The following TOPAZ1 variants were observed in gnomAD, a reference collection of about 807,000 sequenced individuals.
TOPAZ1 encodes protein TOPAZ1.
A neutral mutation model predicts 172.2 loss-of-function variants in TOPAZ1; 66 were observed. That is an observed-to-expected ratio of 0.38 (90% CI 0.31 to 0.47). The LOEUF (loss-of-function observed/expected upper bound fraction) is 0.47. TOPAZ1 is among the 20% of genes least tolerant of loss of function. TOPAZ1 has a pLI of 0.99. For missense variants in TOPAZ1, 1,822 were observed against 1,972.4 expected (o/e 0.92, Z 1.44); for synonymous variants, 681 against 683.9 (o/e 1.00, Z 0.07).
chr3:44,274,704 G>A (rs540125745), intron 8 of TOPAZ1, among the ~76,000 whole-genome samples: 74 of 151,518 alleles, frequency 4.9e-4, no homozygotes, highest in African/African-American at 1.1e-3. Flanking sequence ...ACAGGCGTGC[G>A]CCAACATGCC....
chr3:44,325,521 G>A (rs1700590188), intron 18 of TOPAZ1, among the ~76,000 whole-genome samples: 3 of 151,986 alleles, frequency 2.0e-5, no homozygotes, highest in African/African-American at 7.3e-5. Context: ...CCATTCCCTG[G>A]TTGTCTCCTC....
At chr3:44,333,014 G>C (rs1254077617), downstream of TOPAZ1, among the ~76,000 whole-genome samples, 1 of 150,658 alleles carries the variant, frequency 6.6e-6, no homozygotes, top group South Asian at 2.1e-4. Flanking sequence ...TTTTGAGATG[G>C]GGTTTTGCTA....
chr3:44,326,869 A>G (rs1306663432), intron 18 of TOPAZ1, among the ~76,000 whole-genome samples: 1 of 152,182 alleles, frequency 6.6e-6, no homozygotes, highest in Admixed American at 6.5e-5. Context: ...GAAAAAAAAA[A>G]TCGTATTAGT....
intron 5 of TOPAZ1, among the ~76,000 whole-genome samples, chr3:44,264,711 A>T (rs990086209): frequency 6.6e-6 from 1 of 152,144 alleles, no homozygotes; most frequent in Non-Finnish European, 1.5e-5. Context: ...TCAAAATCAG[A>T]CTCAATCCTC....
intron 12 of TOPAZ1, among the ~76,000 whole-genome samples, chr3:44,300,851 G>GAA (rs1385775212): frequency 7.8e-5 from 10 of 128,360 alleles, no homozygotes; most frequent in Non-Finnish European, 1.2e-4. Context: ...ACCAGAAACT[G>GAA]GAAAAAAAAA....
chr3:44,290,891 G>GA lies in TOPAZ1; in HGVS notation c.3797+10dup. 1 of 1,522,362 alleles carries GA rather than the reference G, an allele frequency of 6.6e-7. No individual in the cohort carries two copies. Among genetic ancestry groups the GA allele is most frequent in the Middle Eastern group, 1.7e-4 (1 of 5,884 alleles). The allele number at this position is 1,522,362 out of a possible 1,614,324, so 94.3% of individuals were successfully genotyped here. On this transcript the variant is annotated splice_donor_region_variant and intron_variant, in intron 12 of 19. Transcript: ENST00000309765. ...AGTTCTGGAAATGAAATCGAGGTGA[G>GA]AAAAATCATTATTATTTAAGCCAAA...
intron 8 of TOPAZ1, among the ~76,000 whole-genome samples, chr3:44,272,636 A>G (rs1379314902): frequency 6.6e-6 from 1 of 152,074 alleles, no homozygotes; most frequent in Non-Finnish European, 1.5e-5. Context: ...ATCTTGGCTC[A>G]CTGCAGCCTC....
At chr3:44,291,707 A>G (rs1304027730) in intron 12 of TOPAZ1, among the ~76,000 whole-genome samples, 1 of 152,032 alleles carries the variant, frequency 6.6e-6, no homozygotes, top group Non-Finnish European at 1.5e-5. Context: ...AAAAAAAAAA[A>G]AATCAAAGTA....
At chr3:44,316,051 G>T (rs1026474920) in intron 16 of TOPAZ1, among the ~76,000 whole-genome samples, 13 of 151,528 alleles carry the variant, frequency 8.6e-5, no homozygotes, top group African/African-American at 2.9e-4. Flanking sequence ...CCTGGGCAAC[G>T]TAGGGAGACT....
Position 44,243,202 on chromosome 3 carries a change from C to T in TOPAZ1, c.696C>T (p.Phe232=), listed in dbSNP as rs1370232515. The T allele has an allele frequency of 3.2e-6, 5 of 1,549,084 alleles. No individual in the cohort carries two copies. Among genetic ancestry groups the T allele is most frequent in the Non-Finnish European group, 4.4e-6 (5 of 1,146,172 alleles). ...SVLKLRDCNC[F]PHSKGCNDEN... is the part of the protein sequence containing the mutation. ...TAAAATTACGTGATTGCAATTGTTT[C>T]CCCCATTCCAAGGGTTGTAATGATG... The change falls in exon 2 of 20, where the codon TTC becomes TTT. Residue 232 remains phenylalanine, a synonymous_variant. Transcript: ENST00000309765.
At chr3:44,278,456 GTTC>G (rs779367720) in intron 8 of TOPAZ1, among the ~76,000 whole-genome samples, 1 of 152,080 alleles carries the variant, frequency 6.6e-6, no homozygotes, top group Non-Finnish European at 1.5e-5. Flanking sequence ...ATTGGTATTA[GTTC>G]TTCTTCGAAA....
chr3:44,305,116 T>G (rs1345220688), intron 13 of TOPAZ1, 31 bp from the exon 14 acceptor site: 3 of 1,437,172 alleles, frequency 2.1e-6, no homozygotes, highest in Non-Finnish European at 2.8e-6. Context: ...ATTCTTTTTC[T>G]TTTTTGTTTT....
At chr3:44,310,131 G>T in intron 16 of TOPAZ1, 141 bp downstream of exon 16, 1 of 700,012 alleles carries the variant, frequency 1.4e-6, no homozygotes, top group Non-Finnish European at 2.3e-6. Context: ...AGGAAAGGTT[G>T]TCATGTAAAC....
intron 5 of TOPAZ1, among the ~76,000 whole-genome samples, chr3:44,265,533 G>A (rs1207560741): frequency 2.0e-5 from 3 of 152,200 alleles, no homozygotes; most frequent in Admixed American, 6.5e-5. Flanking sequence ...TCCAGCCTGG[G>A]CGACAGAGCA....
intron 12 of TOPAZ1, among the ~76,000 whole-genome samples, chr3:44,303,027 T>C (rs934382540): frequency 5.9e-5 from 9 of 152,044 alleles, no homozygotes; most frequent in African/African-American, 2.2e-4. Flanking sequence ...AGAGGTAGGA[T>C]TCACCATATT....
At chr3:44,264,400 G>A (rs1559530186) in intron 5 of TOPAZ1, among the ~76,000 whole-genome samples, 1 of 152,178 alleles carries the variant, frequency 6.6e-6, no homozygotes, top group Non-Finnish European at 1.5e-5. Context: ...TCTATTAAGT[G>A]TGCAATAGCA....
At chr3:44,299,971 A>C (rs1700250780) in intron 12 of TOPAZ1, among the ~76,000 whole-genome samples, 1 of 150,246 alleles carries the variant, frequency 6.7e-6, no homozygotes, top group Admixed American at 6.6e-5. Context: ...GGGAGGGGGA[A>C]GCAATAGCTT....
At chr3:44,296,894 G>A (rs184282810) in intron 12 of TOPAZ1, among the ~76,000 whole-genome samples, 4 of 147,070 alleles carry the variant, frequency 2.7e-5, no homozygotes, top group Admixed American at 1.4e-4. Flanking sequence ...AATTACGGCC[G>A]GGCATGGTGG....
chr3:44,279,998 A>T (rs748605303), intron 8 of TOPAZ1, among the ~76,000 whole-genome samples: 1 of 152,130 alleles, frequency 6.6e-6, no homozygotes, highest in Non-Finnish European at 1.5e-5. Flanking sequence ...ATCATGGTAG[A>T]TATCATTCTT....
Sources: gnomAD v4.1 joint callset for allele counts (sites outside exome capture counted in the v4.1 genomes callset) on GRCh38, gnomAD v4.1.1 for gene constraint, MANE v1.5 for transcripts, NCBI Gene and HGNC (gene_info 2026-07-23, HGNC 2026-07-21) for gene names.